EFHD2: variants seen among roughly 807,000 people sequenced by gnomAD.
EFHD2 encodes EF-hand domain-containing protein D2.
A neutral mutation model predicts 20.3 loss-of-function variants in EFHD2; 12 were observed. The ratio of observed to expected loss-of-function variants is 0.59; its 90% CI spans 0.38 to 0.96. The LOEUF (loss-of-function observed/expected upper bound fraction) is 0.96. Among genes scored for constraint, EFHD2 ranks in the 40% least tolerant of loss-of-function variants. The pLI is 0.00. For synonymous variants in EFHD2, 131 were observed against 143.9 expected (o/e 0.91, Z 0.64); for missense variants, 250 against 334.3 (o/e 0.75, Z 1.97).
At chr1:15,414,721 A>G (rs538975883) in intron 1 of EFHD2, among the ~76,000 whole-genome samples, 6 of 152,304 alleles carry the variant, frequency 3.9e-5, no homozygotes, top group Admixed American at 3.9e-4. Flanking sequence ...GGCCCTAGTG[A>G]CAGGACGCAG....
intron 1 of EFHD2, among the ~76,000 whole-genome samples, chr1:15,425,322 C>G (rs1707856514): frequency 6.6e-6 from 1 of 152,054 alleles, no homozygotes; most frequent in South Asian, 2.1e-4. Flanking sequence ...GTCAGGAGTT[C>G]AAGACCAGCC....
chr1:15,410,365 C>T (rs1489905332), intron 1 of EFHD2, 86 bp downstream of exon 1: 10 of 1,422,400 alleles, frequency 7.0e-6, no homozygotes, highest in East Asian at 3.0e-5. Context: ...TCCCGCTCCG[C>T]CCCGGGAGCC....
intron 1 of EFHD2, among the ~76,000 whole-genome samples, chr1:15,414,603 G>A (rs567460032): frequency 6.6e-6 from 1 of 152,354 alleles, no homozygotes; most frequent in Non-Finnish European, 1.5e-5. Flanking sequence ...CCTGGCAGTG[G>A]TCATTGCGGC....
Position 15,426,291 on chromosome 1 carries a change from T to C in EFHD2, c.456+273T>C, listed in dbSNP as rs1707871524. Among the ~76,000 whole-genome samples, 1 of 152,088 alleles carries C rather than the reference T, an allele frequency of 6.6e-6. No individual in the cohort carries two copies. The highest frequency in any genetic ancestry group is 6.6e-5 in the Admixed American group (1 of 15,266). On this transcript the variant is annotated intron_variant, in intron 2 of 3. Transcript: ENST00000375980. This position sits in a 1 kb window ranked among gnomAD's most constrained non-coding sequence, Gnocchi z 4.6. The stretch of plus-strand genomic sequence containing the variant: ...CATATATTGAGCGATTTCTGTATAC[T>C]TGACCCTGTGCAGGCTCTGGGGTAG...
chr1:15,430,201 T>C lies in EFHD2; in HGVS notation c.*1477T>C, dbSNP rs181021774. 1.3e-5 allele frequency: 2 copies of C among 152,844 alleles called. No individual in the cohort carries two copies. Among genetic ancestry groups the C allele is most frequent in the Non-Finnish European group, 2.9e-5 (2 of 68,332 alleles). 9.5% of individuals were successfully genotyped at this position (152,844 alleles called of 1,614,324 possible). A position where few individuals can be genotyped will look rare whatever the true frequency, so the allele number is the denominator to read the frequency against. The stretch of plus-strand genomic sequence containing the variant: ...TACAGATGAATATAAAATGTTTTTT[T>C]CTTTGGGCTTTTTGCTTCTTTTTTC... On this transcript the variant is annotated 3_prime_UTR_variant, in exon 4 of 4. Transcript: ENST00000375980.
In EFHD2 at chr1:15,429,100, A is replaced by G; in HGVS notation, c.*376A>G. 1 of 224,670 alleles carries G rather than the reference A, an allele frequency of 4.5e-6. No homozygotes were observed. The highest frequency in any genetic ancestry group is 9.1e-6 in the Non-Finnish European group (1 of 110,374). 13.9% of individuals were successfully genotyped at this position (224,670 alleles called of 1,614,324 possible). A position where few individuals can be genotyped will look rare whatever the true frequency, so the allele number is the denominator to read the frequency against. On this transcript the variant is annotated 3_prime_UTR_variant, in exon 4 of 4. Coordinates refer to ENST00000375980, the MANE Select transcript of EFHD2 (RefSeq NM_024329.6). Reference sequence around the variant, plus strand: ...GCCCTCCACACATCCCTGTCCCCCCAACCCGGGAACCCCTGCCCTCCTCCA... The same window carrying G: ...GCCCTCCACACATCCCTGTCCCCCCGACCCGGGAACCCCTGCCCTCCTCCA...
chr1:15,410,067 G>C lies in EFHD2; in HGVS notation c.96G>C (p.Gly32=), dbSNP rs373600104. The change falls in exon 1 of 4, where the codon GGG becomes GGC. Residue 32 remains glycine, a synonymous_variant. Transcript: ENST00000375980. Reference sequence around the variant, plus strand: ...CCCCGGAGCAGCCCGGGCTGAACGGGGCAGCGGCGGCGGCGGCGGGGGCAC... The same window carrying C: ...CCCCGGAGCAGCCCGGGCTGAACGGCGCAGCGGCGGCGGCGGCGGGGGCAC... ...GETPEQPGLN[G]AAAAAAGAPD... 1.1e-5 allele frequency: 15 copies of C among 1,385,516 alleles called. No homozygotes were observed. The highest frequency in any genetic ancestry group is 3.4e-5 in the South Asian group (2 of 58,778). The allele number at this position is 1,385,516 out of a possible 1,614,324, so 85.8% of individuals were successfully genotyped here.
rs555973922 is a variant in EFHD2, at chr1:15,416,764, G to A, written c.308+6485G>A. Among the ~76,000 whole-genome samples, 46 of 152,232 alleles carry A rather than the reference G, an allele frequency of 3.0e-4. No individual in the cohort carries two copies. In the East Asian group the frequency reaches 7.5e-3, roughly 25 times the overall value. Reference sequence around the variant, plus strand: ...AGCTTCACCGCCCGGGAGTATGTTAGAAATGCAGATGCTCAGATTCCACCC... The same window carrying A: ...AGCTTCACCGCCCGGGAGTATGTTAAAAATGCAGATGCTCAGATTCCACCC... On this transcript the variant is annotated intron_variant, in intron 1 of 3. Coordinates refer to ENST00000375980, the MANE Select transcript of EFHD2 (RefSeq NM_024329.6).
At chr1:15,419,705 T>C (rs1335197491) in intron 1 of EFHD2, among the ~76,000 whole-genome samples, 1 of 152,184 alleles carries the variant, frequency 6.6e-6, no homozygotes, top group Non-Finnish European at 1.5e-5. Flanking sequence ...CTGGATCCTC[T>C]AAGCCAGCTG....
intron 1 of EFHD2, among the ~76,000 whole-genome samples, chr1:15,418,447 A>G (rs1707721832): frequency 6.6e-6 from 1 of 150,896 alleles, no homozygotes; most frequent in Non-Finnish European, 1.5e-5. Context: ...CTGGGACTAC[A>G]GGCGCCCACC....
At position 15,426,221 on chromosome 1, in the gene EFHD2, G is replaced by A. The variant is rs74578382; in HGVS notation, c.456+203G>A. ...CCAGGGAGGGTTCTGAGATCCTCTC[G>A]GGGAGGAAGAGGAGGGAGGGACAGC... On this transcript the variant is annotated intron_variant, in intron 2 of 3. Coordinates refer to ENST00000375980, the MANE Select transcript of EFHD2 (RefSeq NM_024329.6). This position sits in a 1 kb window ranked among gnomAD's most constrained non-coding sequence, Gnocchi z 4.6. Among the ~76,000 whole-genome samples, 4,343 of 152,296 alleles carry A rather than the reference G, an allele frequency of 0.029. 216 individuals carry two copies. The highest frequency in any genetic ancestry group is 0.099 in the African/African-American group (4,117 of 41,546).
chr1:15,424,773 C>A (rs1036728554), intron 1 of EFHD2, among the ~76,000 whole-genome samples: 2 of 152,178 alleles, frequency 1.3e-5, no homozygotes, highest in Non-Finnish European at 2.9e-5. Context: ...TGCTTTTTAA[C>A]CTCCTTCCCA....
At chr1:15,412,279 G>A (rs1323353562) in intron 1 of EFHD2, among the ~76,000 whole-genome samples, 1 of 152,038 alleles carries the variant, frequency 6.6e-6, no homozygotes, top group Non-Finnish European at 1.5e-5. Flanking sequence ...GCCCCCATCG[G>A]GCAGTGCAGA....
chr1:15,409,952 C>G lies in EFHD2; in HGVS notation c.-20C>G, dbSNP rs1050231546. ...GCTGAGAGCAGGGGCCCGGCCAAGG[C>G]GAGTGCCGCGCGGGCCACCATGGCC... On this transcript the variant is annotated 5_prime_UTR_variant, in exon 1 of 4. Transcript: ENST00000375980. The G allele has an allele frequency of 8.1e-7, 1 of 1,229,796 alleles. No homozygotes were observed. Among genetic ancestry groups the G allele is most frequent in the Non-Finnish European group, 1.0e-6 (1 of 989,576 alleles). The allele number at this position is 1,229,796 out of a possible 1,614,324, so 76.2% of individuals were successfully genotyped here.
chr1:15,418,905 C>T (rs977278437), intron 1 of EFHD2, among the ~76,000 whole-genome samples: 6 of 152,246 alleles, frequency 3.9e-5, no homozygotes, highest in Non-Finnish European at 5.9e-5. Flanking sequence ...CCCTCTGAGC[C>T]TCAGTCTCCT....
At chr1:15,420,664 T>C (rs1570767675) in intron 1 of EFHD2, among the ~76,000 whole-genome samples, 1 of 150,224 alleles carries the variant, frequency 6.7e-6, no homozygotes, top group African/African-American at 2.5e-5. Context: ...GAATTACAGG[T>C]GCGTGCCACC....
Position 15,428,726 on chromosome 1 carries a change from G to C in EFHD2, c.*2G>C. ...GAGCTGCAGTCCACCTTTAAGTAGC[G>C]GGGGCTGCAGCCGACCGCCCTGCTC... On this transcript the variant is annotated 3_prime_UTR_variant, in exon 4 of 4. Coordinates refer to ENST00000375980, the MANE Select transcript of EFHD2 (RefSeq NM_024329.6). 2 of 1,578,090 alleles carry C rather than the reference G, an allele frequency of 1.3e-6. No individual in the cohort carries two copies. The highest frequency in any genetic ancestry group is 1.7e-6 in the Non-Finnish European group (2 of 1,163,056).
At position 15,409,931 on chromosome 1, in the gene EFHD2, A is replaced by G; in HGVS notation, c.-41A>G. The G allele has an allele frequency of 6.6e-6, 8 of 1,208,906 alleles. No homozygotes were observed. Among genetic ancestry groups the G allele is most frequent in the Non-Finnish European group, 8.2e-6 (8 of 975,482 alleles). The allele number at this position is 1,208,906 out of a possible 1,614,324, so 74.9% of individuals were successfully genotyped here. A position where few individuals can be genotyped will look rare whatever the true frequency, so the allele number is the denominator to read the frequency against. ...GAGCGCGGCCGGCGGCGCTGCGCTG[A>G]GAGCAGGGGCCCGGCCAAGGCGAGT... is the stretch of plus-strand genomic sequence containing the variant. On this transcript the variant is annotated 5_prime_UTR_variant, in exon 1 of 4. Transcript: ENST00000375980.
In EFHD2 at chr1:15,427,209, C is replaced by A; in HGVS notation, c.516C>A (p.Cys172Ter). The A allele has an allele frequency of 6.3e-7, 1 of 1,599,988 alleles. No homozygotes were observed. Among genetic ancestry groups the A allele is most frequent in the South Asian group, 1.1e-5 (1 of 88,812 alleles). Residue 172 changes from cysteine (C) to a stop codon, truncating the protein, a stop_gained, in exon 3 of 4, where the codon TGC becomes TGA. Coordinates refer to ENST00000375980, the MANE Select transcript of EFHD2 (RefSeq NM_024329.6). LOFTEE classifies it high-confidence loss of function. ...AGCTTCAGGAGGACAGCGGGCTGTGCGTGCTGGCCCGCCTCTCTGAGATCG... is the reference window on the plus strand; with the variant it reads ...AGCTTCAGGAGGACAGCGGGCTGTGAGTGCTGGCCCGCCTCTCTGAGATCG... ...AGELQEDSGL[C>*]VLARLSEIDV...
Sources: gnomAD v4.1 joint callset for allele counts (sites outside exome capture counted in the v4.1 genomes callset) on GRCh38, gnomAD v4.1.1 for gene constraint, Gnocchi (gnomAD v3.1) non-coding constraint, MANE v1.5 for transcripts, NCBI Gene and HGNC (gene_info 2026-07-23, HGNC 2026-07-21) for gene names.